SPAST: variants seen among roughly 807,000 people sequenced by gnomAD.
SPAST encodes spastin.
In SPAST, 30 loss-of-function variants were observed where a neutral mutation model predicts 76.6. The ratio of observed to expected loss-of-function variants is 0.39; its 90% CI spans 0.29 to 0.53. SPAST has a LOEUF of 0.53. Among genes scored for constraint, SPAST ranks in the 20% least tolerant of loss-of-function variants. SPAST has a pLI of 0.68. For synonymous variants in SPAST, 305 were observed against 281.0 expected, an observed-to-expected ratio of 1.09 and a Z score of -0.86; for missense variants, 717 against 770.5, an observed-to-expected ratio of 0.93 and a Z score of 0.82.
intron 4 of SPAST, 77 bp from the exon 5 acceptor site, chr2:32,114,561 G>T: frequency 9.2e-7 from 1 of 1,082,164 alleles, no homozygotes; most frequent in Non-Finnish European, 1.4e-6. Flanking sequence ...TTATTACCTT[G>T]GTTTTACAAA....
At chr2:32,151,912 C>CA (rs945690146) in intron 16 of SPAST, among the ~76,000 whole-genome samples, 217 of 92,250 alleles carry the variant, frequency 2.4e-3, no homozygotes, top group Admixed American at 2.5e-3. Flanking sequence ...ACTCCATCTC[C>CA]AAAAAAAAAA....
At chr2:32,073,496 T>C (rs532902564) in intron 1 of SPAST, among the ~76,000 whole-genome samples, 3 of 152,302 alleles carry the variant, frequency 2.0e-5, no homozygotes, top group Admixed American at 1.3e-4. Flanking sequence ...TTTTTAAAAA[T>C]GTTTTTAAAG....
Position 32,089,218 on chromosome 2 carries a change from T to TTTTC in SPAST, c.503-304_503-303insTTTC, listed in dbSNP as rs375850129. On this transcript the variant is annotated intron_variant, in intron 2 of 16. Coordinates refer to ENST00000315285, the MANE Select transcript of SPAST (RefSeq NM_014946.4). ...CGGCTAATTTTTTTTTTTTTTTTTT[T>TTTTC]AAGTAGAGACCAGATCTCTTTATGT... Among the ~76,000 whole-genome samples, 4 of 129,974 alleles carry TTTTC rather than the reference T, an allele frequency of 3.1e-5. No homozygotes were observed. In the South Asian group the frequency reaches 8.1e-4, roughly 26 times the overall value. The allele number at this position is 129,974 out of a possible 152,430, so 85.3% of individuals were successfully genotyped here. A position where few individuals can be genotyped will look rare whatever the true frequency, so the allele number is the denominator to read the frequency against.
intron 3 of SPAST, among the ~76,000 whole-genome samples, chr2:32,098,439 G>A (rs550448051): frequency 5.8e-4 from 88 of 152,284 alleles, no homozygotes; most frequent in African/African-American, 2.0e-3. Flanking sequence ...TTCAGCCTGG[G>A]TGACAGAGCA....
chr2:32,138,350 G>A (rs1006010720), intron 12 of SPAST, among the ~76,000 whole-genome samples: 1 of 152,022 alleles, frequency 6.6e-6, no homozygotes, highest in Non-Finnish European at 1.5e-5. Context: ...GACAATATGG[G>A]ATTTTTTTTG....
chr2:32,115,932 T>C, intron 6 of SPAST, 97 bp downstream of exon 6: 1 of 1,064,506 alleles, frequency 9.4e-7, no homozygotes, highest in East Asian at 2.6e-5. Flanking sequence ...AAATACCTTG[T>C]CTGGTTTACA....
chr2:32,153,318 ATTTT>A (rs148901250), intron 16 of SPAST, among the ~76,000 whole-genome samples: 17 of 79,274 alleles, frequency 2.1e-4, no homozygotes, highest in Admixed American at 2.9e-4. Flanking sequence ...TTTTGCCTTA[ATTTT>A]TTTTTTTTTT....
Position 32,065,628 on chromosome 2 carries a change from G to T in SPAST, c.415+1382G>T, listed in dbSNP as rs112014066. ...CCCCTTTTATCCTTACTTCCAGTAT[G>T]CTGAGATCTTGCTTCTCCCTCTGCC... On this transcript the variant is annotated intron_variant, in intron 1 of 16. Coordinates refer to ENST00000315285, the MANE Select transcript of SPAST (RefSeq NM_014946.4). 5.3e-3 allele frequency among the ~76,000 whole-genome samples: 803 copies of T among 152,278 alleles called. 9 individuals are homozygous for T. The highest frequency in any genetic ancestry group is 0.017 in the African/African-American group (709 of 41,548).
chr2:32,111,298 G>A lies in SPAST; in HGVS notation c.683-3340G>A, dbSNP rs35920303. On this transcript the variant is annotated intron_variant, in intron 4 of 16. Coordinates refer to ENST00000315285, the MANE Select transcript of SPAST (RefSeq NM_014946.4). ...CAGTATACTATATAGTGTGTATAGC[G>A]TATATATACAGTATACTGTATAGTG... is the stretch of plus-strand genomic sequence containing the variant. Among the ~76,000 whole-genome samples, 29 of 75,786 alleles carry A rather than the reference G, an allele frequency of 3.8e-4. 4 individuals carry two copies. Among genetic ancestry groups the A allele is most frequent in the East Asian group, 8.2e-4 (1 of 1,224 alleles). The allele number at this position is 75,786 out of a possible 152,430, so 49.7% of individuals were successfully genotyped here.
intron 9 of SPAST, among the ~76,000 whole-genome samples, chr2:32,134,194 C>T (rs1679459923): frequency 6.6e-6 from 1 of 152,002 alleles, no homozygotes; most frequent in African/African-American, 2.4e-5. Flanking sequence ...TGCCACCATG[C>T]CCAGCTAATT....
intron 1 of SPAST, among the ~76,000 whole-genome samples, chr2:32,085,431 G>A (rs1677435399): frequency 6.6e-6 from 1 of 151,910 alleles, no homozygotes; most frequent in African/African-American, 2.4e-5. Context: ...TGCCCAAGCT[G>A]GGCTTGAGCT....
chr2:32,136,649 A>T lies in SPAST; in HGVS notation c.1321+11A>T. ...CTATAATTTTTATAGGTAAGAACATATTTTCCAACTAAGTTATTGACTATT... is the reference window on the plus strand; with the variant it reads ...CTATAATTTTTATAGGTAAGAACATTTTTTCCAACTAAGTTATTGACTATT... On this transcript the variant is annotated intron_variant, in intron 10 of 16. Transcript: ENST00000315285. 1 of 1,597,256 alleles carries T rather than the reference A, an allele frequency of 6.3e-7. No homozygotes were observed. The highest frequency in any genetic ancestry group is 8.6e-7 in the Non-Finnish European group (1 of 1,164,972).
At position 32,083,746 on chromosome 2, in the gene SPAST, TATACTATATA is replaced by T. The variant is rs1558620059; in HGVS notation, c.416-3745_416-3736del. 7.4e-4 allele frequency among the ~76,000 whole-genome samples: 44 copies of T among 59,544 alleles called. 1 individual carries two copies. The highest frequency in any genetic ancestry group is 2.2e-3 in the African/African-American group (34 of 15,508). The allele number at this position is 59,544 out of a possible 152,430, so 39.1% of individuals were successfully genotyped here. A position where few individuals can be genotyped will look rare whatever the true frequency, so the allele number is the denominator to read the frequency against. The stretch of plus-strand genomic sequence containing the variant: ...TTTATATATACTATATATATTTATA[TATACTATATA>T]TATATATATATATATATATATTTTT... On this transcript the variant is annotated intron_variant, in intron 1 of 16. Transcript: ENST00000315285.
intron 7 of SPAST, among the ~76,000 whole-genome samples, chr2:32,122,708 G>A (rs1306062569): frequency 1.3e-5 from 2 of 151,910 alleles, no homozygotes; most frequent in African/African-American, 4.8e-5. Flanking sequence ...CAGAGGCCAA[G>A]GCAGGAAGAT....
At position 32,082,214 on chromosome 2, in the gene SPAST, A is replaced by G. The variant is rs536362573; in HGVS notation, c.416-5278A>G. Among the ~76,000 whole-genome samples the G allele has an allele frequency of 2.0e-4, 29 of 148,438 alleles. No homozygotes were observed. In the East Asian group the frequency reaches 5.5e-3, roughly 28 times the overall value. ...CATCATGTTGGCCAGGCTGGTCTCG[A>G]ACTCCTGACCCCAGGTGATCCGCCT... On this transcript the variant is annotated intron_variant, in intron 1 of 16. Coordinates refer to ENST00000315285, the MANE Select transcript of SPAST (RefSeq NM_014946.4).
intron 13 of SPAST, among the ~76,000 whole-genome samples, chr2:32,142,814 TGTG>T (rs1679763992): frequency 6.6e-6 from 1 of 152,178 alleles, no homozygotes; most frequent in South Asian, 2.1e-4. Context: ...AAAACTGGAT[TGTG>T]GTGATGATTG....
intron 2 of SPAST, among the ~76,000 whole-genome samples, chr2:32,087,861 A>AATTATTATTATT (rs34216464): frequency 7.1e-6 from 1 of 141,344 alleles, no homozygotes; most frequent in East Asian, 2.1e-4. Context: ...ATACTTAGCT[A>AATTATTATTATT]ATTATTATTA....
intron 16 of SPAST, among the ~76,000 whole-genome samples, chr2:32,148,968 A>G (rs1679985789): frequency 6.6e-6 from 1 of 151,740 alleles, no homozygotes; most frequent in Admixed American, 6.6e-5. Context: ...AGTGAGACCC[A>G]GTCTCAAAAA....
intron 15 of SPAST, 81 bp from the exon 16 acceptor site, chr2:32,147,137 C>A: frequency 2.3e-6 from 2 of 866,182 alleles, no homozygotes; most frequent in Non-Finnish European, 2.0e-6. Flanking sequence ...ACATGTAGAT[C>A]ATTGTACTTG....
Sources: allele counts gnomAD v4.1 joint callset (sites outside exome capture counted in the v4.1 genomes callset), GRCh38; gene constraint gnomAD v4.1.1; transcripts MANE v1.5; gene names NCBI Gene and HGNC (gene_info 2026-07-23, HGNC 2026-07-21).